The following TAF4B variants were observed in gnomAD, a reference collection of about 807,000 sequenced individuals.
TAF4B encodes the protein TATA-box binding protein associated factor 4b, also known as transcription initiation factor TFIID subunit 4B.
TAF4B carries 38 observed loss-of-function variants against 86.4 expected under a neutral mutation model. The observed-to-expected ratio is 0.44, with a 90% confidence interval of 0.34 to 0.58. The LOEUF (loss-of-function observed/expected upper bound fraction) is 0.58. TAF4B is among the 20% of genes least tolerant of loss of function. TAF4B has a pLI of 0.02. For synonymous variants in TAF4B, 388 were observed against 391.2 expected, an observed-to-expected ratio of 0.99 and a Z score of 0.10; for missense variants, 988 against 1,027.6, an observed-to-expected ratio of 0.96 and a Z score of 0.53.
intron 1 of TAF4B, among the ~76,000 whole-genome samples, chr18:26,241,579 A>C (rs547281050): frequency 1.3e-5 from 2 of 151,734 alleles, no homozygotes; most frequent in African/African-American, 4.8e-5. Flanking sequence ...TTGTGTCTCT[A>C]TCTCCTTCAG....
Position 26,286,444 on chromosome 18 carries a change from G to A in TAF4B, c.1535G>A (p.Gly512Asp). Reference sequence around the variant, plus strand: ...GTTCAAATCAAACTTGCCCAGCCGGGCCCTGTCCTTTCACAACCAGCTGGG... The same window carrying A: ...GTTCAAATCAAACTTGCCCAGCCGGACCCTGTCCTTTCACAACCAGCTGGG... ...TPVQIKLAQP[G>D]PVLSQPAGIP... Residue 512 changes from glycine (G) to aspartate (D), a missense_variant, in exon 7 of 15, where the codon GGC becomes GAC. Transcript: ENST00000269142. 1 of 1,614,044 alleles carries A rather than the reference G, an allele frequency of 6.2e-7. No individual in the cohort carries two copies. Among genetic ancestry groups the A allele is most frequent in the Non-Finnish European group, 8.5e-7 (1 of 1,180,006 alleles).
At chr18:26,280,247 C>T (rs1455228224) in intron 5 of TAF4B, among the ~76,000 whole-genome samples, 5 of 152,086 alleles carry the variant, frequency 3.3e-5, no homozygotes, top group Admixed American at 1.3e-4. Context: ...TGCCTGACAT[C>T]GGCCTTGGCA....
intron 1 of TAF4B, among the ~76,000 whole-genome samples, chr18:26,242,157 G>A (rs552283373): frequency 7.9e-4 from 121 of 152,206 alleles, no homozygotes; most frequent in Admixed American, 1.4e-3. Flanking sequence ...TTTCTGTCTC[G>A]TTGATCTGTC....
intron 2 of TAF4B, chr18:26,265,976 T>C (rs1020607713): frequency 3.3e-5 from 5 of 152,002 alleles, no homozygotes; most frequent in African/African-American, 1.2e-4. Flanking sequence ...GGTTTTGCCA[T>C]GCTAGCCAGG....
chr18:26,265,768 A>G (rs2056231483), intron 2 of TAF4B, among the ~76,000 whole-genome samples: 1 of 152,192 alleles, frequency 6.6e-6, no homozygotes, highest in African/African-American at 2.4e-5. Context: ...TTTGTTGCTC[A>G]GGCTGGTCTT....
At chr18:26,280,055 A>T (rs1008190020) in intron 5 of TAF4B, among the ~76,000 whole-genome samples, 1 of 152,048 alleles carries the variant, frequency 6.6e-6, no homozygotes, top group Admixed American at 6.6e-5. Flanking sequence ...AAAAAAAAAA[A>T]AAGTAGTGGG....
At chr18:26,232,934 A>T (rs2055694277) in intron 1 of TAF4B, among the ~76,000 whole-genome samples, 1 of 152,110 alleles carries the variant, frequency 6.6e-6, no homozygotes, top group African/African-American at 2.4e-5. Flanking sequence ...TAGTGGTATT[A>T]GTTGTATGGC....
chr18:26,240,973 G>A (rs1024740318), intron 1 of TAF4B, among the ~76,000 whole-genome samples: 3 of 152,164 alleles, frequency 2.0e-5, no homozygotes, highest in Admixed American at 6.5e-5. Context: ...ATGTGCTGCT[G>A]GATTCGGTTT....
Position 26,226,451 on chromosome 18 carries a change from A to C in TAF4B, c.-483A>C, listed in dbSNP as rs2055574081. On this transcript the variant is annotated 5_prime_UTR_variant, in exon 1 of 15. Transcript: ENST00000269142. ...GCGTGCGCGAGGTCTCCGCGTGGCTATATAAACATGGCTGGCGTGGCCGCG... is the reference window on the plus strand; with the variant it reads ...GCGTGCGCGAGGTCTCCGCGTGGCTCTATAAACATGGCTGGCGTGGCCGCG... 6.6e-6 allele frequency: 1 copy of C among 152,482 alleles called. No individual in the cohort carries two copies. The highest frequency in any genetic ancestry group is 1.9e-4 in the East Asian group (1 of 5,176). 9.4% of individuals were successfully genotyped at this position (152,482 alleles called of 1,614,324 possible). A position where few individuals can be genotyped will look rare whatever the true frequency, so the allele number is the denominator to read the frequency against.
intron 9 of TAF4B, among the ~76,000 whole-genome samples, chr18:26,314,603 A>G (rs959546795): frequency 6.6e-6 from 1 of 152,218 alleles, no homozygotes; most frequent in African/African-American, 2.4e-5. Flanking sequence ...AGTCTGAAAC[A>G]GAAAAACAAA....
intron 13 of TAF4B, among the ~76,000 whole-genome samples, chr18:26,356,368 A>T (rs1168359396): frequency 6.6e-6 from 1 of 152,132 alleles, no homozygotes; most frequent in Non-Finnish European, 1.5e-5. Context: ...TTTCTGCTTT[A>T]CTAAAGATTC....
In TAF4B at chr18:26,307,939, A is replaced by G. The variant is rs1292419955; in HGVS notation, c.1833-7290A>G. On this transcript the variant is annotated intron_variant, in intron 9 of 14. Transcript: ENST00000269142. Reference sequence around the variant, plus strand: ...AGCCTGACCAACGTGGCGAAACTCCATCTCCACTAAAAATACAAAAATGAG... The same window carrying G: ...AGCCTGACCAACGTGGCGAAACTCCGTCTCCACTAAAAATACAAAAATGAG... Among the ~76,000 whole-genome samples the G allele has an allele frequency of 4.6e-5, 7 of 152,164 alleles. No individual in the cohort carries two copies. In the East Asian group the frequency reaches 1.4e-3, roughly 29 times the overall value.
At chr18:26,251,602 C>A (rs1220531611) in intron 1 of TAF4B, among the ~76,000 whole-genome samples, 1 of 152,144 alleles carries the variant, frequency 6.6e-6, no homozygotes, top group Non-Finnish European at 1.5e-5. Context: ...GCTATGTAAC[C>A]TAATATATGA....
At chr18:26,344,120 C>T (rs866771806) in intron 13 of TAF4B, among the ~76,000 whole-genome samples, 54 of 152,118 alleles carry the variant, frequency 3.5e-4, no homozygotes, top group Admixed American at 2.3e-3. Context: ...GAACTGAAAA[C>T]GACAATAACC....
At chr18:26,280,115 C>T (rs537763773) in intron 5 of TAF4B, among the ~76,000 whole-genome samples, 15 of 151,568 alleles carry the variant, frequency 9.9e-5, no homozygotes, top group Admixed American at 2.6e-4. Flanking sequence ...TATCTATGTG[C>T]GGAAGAATGA....
chr18:26,312,678 C>A (rs2056864758), intron 9 of TAF4B, among the ~76,000 whole-genome samples: 1 of 152,100 alleles, frequency 6.6e-6, no homozygotes, highest in South Asian at 2.1e-4. Flanking sequence ...TGTACAGGGA[C>A]CTTGCTAGAG....
chr18:26,268,654 A>G (rs866837847), intron 3 of TAF4B, among the ~76,000 whole-genome samples: 40 of 152,140 alleles, frequency 2.6e-4, no homozygotes, highest in Admixed American at 2.3e-3. Flanking sequence ...TGCCACACAT[A>G]CTTCTTTTTG....
intron 13 of TAF4B, among the ~76,000 whole-genome samples, chr18:26,352,230 G>A (rs934508980): frequency 1.3e-5 from 2 of 151,934 alleles, no homozygotes; most frequent in Admixed American, 6.6e-5. Context: ...GAGACTCTCA[G>A]GATGGATTAA....
At chr18:26,269,087 C>A (rs1041279144) in intron 3 of TAF4B, among the ~76,000 whole-genome samples, 14 of 152,128 alleles carry the variant, frequency 9.2e-5, no homozygotes, top group African/African-American at 3.4e-4. Context: ...CTCCCAAAGT[C>A]CTGGGATTAC....
Sources: allele counts gnomAD v4.1 joint callset (sites outside exome capture counted in the v4.1 genomes callset), GRCh38; gene constraint gnomAD v4.1.1; transcripts MANE v1.5; gene names NCBI Gene and HGNC (gene_info 2026-07-23, HGNC 2026-07-21).